CDK14: variants seen among roughly 807,000 people sequenced by gnomAD.
The protein encoded by CDK14 is cyclin-dependent kinase 14.
In CDK14, 34 loss-of-function variants were observed where a neutral mutation model predicts 60.7. The ratio of observed to expected loss-of-function variants is 0.56; its 90% CI spans 0.43 to 0.75. The LOEUF (loss-of-function observed/expected upper bound fraction) is 0.75. CDK14 is among the 30% of genes least tolerant of loss of function. CDK14 has a pLI of 0.00. For missense variants in CDK14, 482 were observed against 564.1 expected (o/e 0.85, Z 1.47); for synonymous variants, 197 against 203.7 (o/e 0.97, Z 0.28).
chr7:90,808,613 A>G (rs1319090573), intron 5 of CDK14, among the ~76,000 whole-genome samples: 3 of 152,224 alleles, frequency 2.0e-5, no homozygotes, highest in African/African-American at 4.8e-5. Context: ...TTCACACATA[A>G]AGATATTAAC....
chr7:91,117,268 G>A (rs1262466937), intron 13 of CDK14, among the ~76,000 whole-genome samples: 1 of 150,996 alleles, frequency 6.6e-6, no homozygotes, highest in Non-Finnish European at 1.5e-5. Context: ...CCGTATTGTT[G>A]CTACCTTCAC....
intron 12 of CDK14, among the ~76,000 whole-genome samples, chr7:91,097,433 A>G (rs1193140919): frequency 1.3e-5 from 2 of 152,138 alleles, no homozygotes; most frequent in Non-Finnish European, 2.9e-5. Context: ...AATACAAAGA[A>G]CTAAATTTAT....
intron 8 of CDK14, among the ~76,000 whole-genome samples, chr7:90,955,484 A>G (rs531888015): frequency 7.9e-5 from 12 of 152,294 alleles, no homozygotes; most frequent in Admixed American, 4.6e-4. Flanking sequence ...TCAGTGCTTT[A>G]TTAGGAAATA....
chr7:91,059,265 T>C (rs1387758630), intron 11 of CDK14, among the ~76,000 whole-genome samples: 1 of 152,232 alleles, frequency 6.6e-6, no homozygotes, highest in African/African-American at 2.4e-5. Context: ...CTTTAACATT[T>C]TTTATTGCAT....
chr7:91,118,324 A>G (rs1023436310), intron 14 of CDK14, 116 bp downstream of exon 14: 17 of 557,864 alleles, frequency 3.0e-5, no homozygotes, highest in Non-Finnish European at 5.1e-5. Context: ...TCTTGTGTGC[A>G]TTATGGCATT....
intron 6 of CDK14, among the ~76,000 whole-genome samples, chr7:90,874,955 T>C (rs1791509454): frequency 1.3e-5 from 2 of 152,204 alleles, no homozygotes; most frequent in African/African-American, 4.8e-5. Context: ...GAACCATTAC[T>C]ACAACCTAAT....
chr7:91,112,822 G>T (rs947488424), intron 13 of CDK14, 141 bp downstream of exon 13: 2 of 688,426 alleles, frequency 2.9e-6, no homozygotes, highest in Non-Finnish European at 4.7e-6. Context: ...GTGCATTACA[G>T]GTGTGTGTGT....
intron 10 of CDK14, among the ~76,000 whole-genome samples, chr7:90,990,254 C>T (rs953956894): frequency 6.6e-6 from 1 of 151,944 alleles, no homozygotes; most frequent in Non-Finnish European, 1.5e-5. Context: ...CTCCAGCCTG[C>T]GTGACAGAGT....
At chr7:91,195,380 T>C (rs1802502316) in intron 14 of CDK14, among the ~76,000 whole-genome samples, 1 of 152,204 alleles carries the variant, frequency 6.6e-6, no homozygotes, top group Admixed American at 6.5e-5. Context: ...TAATAATGTA[T>C]ATTTTTTCCT....
chr7:90,846,286 C>T (rs1468592717), intron 5 of CDK14, among the ~76,000 whole-genome samples: 4 of 152,142 alleles, frequency 2.6e-5, no homozygotes, highest in Non-Finnish European at 4.4e-5. Context: ...AGTTCTCTCT[C>T]CTATTTCTCC....
At chr7:91,125,632 A>G (rs1562915423) in intron 14 of CDK14, among the ~76,000 whole-genome samples, 1 of 152,188 alleles carries the variant, frequency 6.6e-6, no homozygotes, top group African/African-American at 2.4e-5. Context: ...ATCATAGATT[A>G]ATCAAAGGTT....
chr7:91,032,330 A>T (rs1796785288), intron 10 of CDK14, among the ~76,000 whole-genome samples: 2 of 152,204 alleles, frequency 1.3e-5, no homozygotes, highest in South Asian at 4.1e-4. Context: ...TTTACAAATA[A>T]TATCTTGTAA....
intron 9 of CDK14, among the ~76,000 whole-genome samples, chr7:90,973,888 T>C (rs1212876987): frequency 6.6e-6 from 1 of 152,082 alleles, no homozygotes; most frequent in African/African-American, 2.4e-5. Flanking sequence ...TTGAAAAACA[T>C]CTTAACAGGA....
chr7:90,638,085 A>G (rs189559104), intron 2 of CDK14, among the ~76,000 whole-genome samples: 27 of 151,522 alleles, frequency 1.8e-4, no homozygotes, highest in African/African-American at 5.8e-4. Flanking sequence ...TCTGTATCCA[A>G]TTTGCCAGTC....
intron 2 of CDK14, among the ~76,000 whole-genome samples, chr7:90,621,613 TTTCCTTCCTTCC>T (rs3835010): frequency 0.013 from 1,635 of 128,286 alleles, 19 homozygotes; most frequent in African/African-American, 0.019. Flanking sequence ...TCAGACTTTT[TTTCCTTCCTTCC>T]TTCCTTCCTT....
At chr7:90,608,188 C>A (rs1799459791) in intron 2 of CDK14, among the ~76,000 whole-genome samples, 1 of 152,120 alleles carries the variant, frequency 6.6e-6, no homozygotes, top group African/African-American at 2.4e-5. Context: ...ATGACCAGAC[C>A]ATGTCCTTAA....
chr7:90,823,797 A>G (rs1789629962), intron 5 of CDK14, among the ~76,000 whole-genome samples: 1 of 152,166 alleles, frequency 6.6e-6, no homozygotes, highest in Admixed American at 6.5e-5. Context: ...TCAGGCTGTG[A>G]TGGTTACTGC....
Position 91,072,451 on chromosome 7 carries a change from AAAAC to A in CDK14, c.1106-6969_1106-6966del, listed in dbSNP as rs757439922. Among the ~76,000 whole-genome samples the A allele has an allele frequency of 2.6e-4, 39 of 152,314 alleles. No individual in the cohort carries two copies. The Middle Eastern group carries it at 0.014, about 53-fold the overall frequency. On this transcript the variant is annotated intron_variant, in intron 11 of 14. Coordinates refer to ENST00000380050, the MANE Select transcript of CDK14 (RefSeq NM_001287135.2). ...AAGAGGGACCTGACCATTGAAAGAA[AAAAC>A]AAACAAACAAATAGAAAGCAACAAC...
intron 10 of CDK14, among the ~76,000 whole-genome samples, chr7:91,008,505 C>G (rs763741774): frequency 6.6e-6 from 1 of 152,146 alleles, no homozygotes; most frequent in Non-Finnish European, 1.5e-5. Context: ...TTCCCTCCCT[C>G]CCTTCTTGTA....
Sources: gnomAD v4.1 joint callset for allele counts (sites outside exome capture counted in the v4.1 genomes callset) on GRCh38, gnomAD v4.1.1 for gene constraint, MANE v1.5 for transcripts, NCBI Gene and HGNC (gene_info 2026-07-23, HGNC 2026-07-21) for gene names.